Variants in LAIR1 observed in about 807,000 individuals in gnomAD.
LAIR1 encodes the protein leukocyte-associated immunoglobulin-like receptor 1.
Under a neutral mutation model 32.8 loss-of-function variants are expected in LAIR1, and 24 were observed. The ratio of observed to expected loss-of-function variants is 0.73; its 90% CI spans 0.53 to 1.03. LAIR1 has a LOEUF of 1.03. Ranked by LOEUF, LAIR1 falls within the 50% of genes least tolerant of loss-of-function variation. The pLI, the probability that LAIR1 is intolerant of heterozygous loss-of-function variation, is 0.00. For missense variants in LAIR1, 355 were observed against 347.5 expected (o/e 1.02, Z -0.17); for synonymous variants, 150 against 140.5 (o/e 1.07, Z -0.48).
At chr19:54,362,377 G>A (rs73936527) in intron 2 of LAIR1, among the ~76,000 whole-genome samples, 5 of 152,054 alleles carry the variant, frequency 3.3e-5, no homozygotes, top group African/African-American at 9.7e-5. Context: ...GTTTAAAGAC[G>A]TTTTTCATGG....
chr19:54,372,584 G>A (rs547546821), upstream of LAIR1, among the ~76,000 whole-genome samples: 10 of 145,856 alleles, frequency 6.9e-5, no homozygotes, highest in South Asian at 1.6e-3. Flanking sequence ...TCCGCCTCCC[G>A]GGTTCAAGTG....
At chr19:54,373,964 A>T (rs2082461656), upstream of LAIR1, among the ~76,000 whole-genome samples, 1 of 152,210 alleles carries the variant, frequency 6.6e-6, no homozygotes, top group South Asian at 2.1e-4. Context: ...TCTGTCCAGA[A>T]TTGTTGGCTA....
chr19:54,364,978 C>T, upstream of LAIR1: 1 of 1,491,164 alleles, frequency 6.7e-7, no homozygotes, highest in Non-Finnish European at 8.9e-7. This position sits in a 1 kb window ranked among gnomAD's most constrained non-coding sequence, Gnocchi z 4.8. Context: ...TTCCACCCTT[C>T]CCACTAGTGA....
At chr19:54,371,845 CT>C (rs1172876479), upstream of LAIR1, among the ~76,000 whole-genome samples, 1 of 151,598 alleles carries the variant, frequency 6.6e-6, no homozygotes, top group African/African-American at 2.4e-5. Context: ...GAACTTTACA[CT>C]CTTTCTATAG....
At chr19:54,367,570 C>G (rs1332566880), upstream of LAIR1, among the ~76,000 whole-genome samples, 1 of 151,210 alleles carries the variant, frequency 6.6e-6, no homozygotes, top group East Asian at 2.0e-4. Flanking sequence ...CACGGTGAAA[C>G]CCCGTCTCTA....
chr19:54,367,972 C>T (rs1425138618), upstream of LAIR1, among the ~76,000 whole-genome samples: 14 of 151,280 alleles, frequency 9.3e-5, no homozygotes, highest in African/African-American at 3.4e-4. Flanking sequence ...CGGGGTTTCA[C>T]CTTGTTAGCC....
At chr19:54,375,554 A>G (rs984007899), upstream of LAIR1, among the ~76,000 whole-genome samples, 2 of 152,158 alleles carry the variant, frequency 1.3e-5, no homozygotes, top group African/African-American at 4.8e-5. Flanking sequence ...CCCAAACACC[A>G]AATCCAGACG....
upstream of LAIR1, among the ~76,000 whole-genome samples, chr19:54,374,080 G>C (rs1410907420): frequency 6.6e-6 from 1 of 151,614 alleles, no homozygotes; most frequent in Non-Finnish European, 1.5e-5. Context: ...CACTGTAAGG[G>C]TAAGTACAGA....
chr19:54,364,382 G>A lies in LAIR1; in HGVS notation c.35-52C>T, dbSNP rs766724885. The A allele has an allele frequency of 1.2e-6, 2 of 1,613,178 alleles. No individual in the cohort carries two copies. The highest frequency in any genetic ancestry group is 1.7e-4 in the Middle Eastern group (1 of 6,056). ...ATGCCCAGTGCCCAGTCTCCTTACG[G>A]GGCTGCTGTCAAAAGGGGGCTCGAT... is the stretch of plus-strand genomic sequence containing the variant. On this transcript the variant is annotated intron_variant, in intron 1 of 9. Transcript: ENST00000391742. This position sits in a 1 kb window ranked among gnomAD's most constrained non-coding sequence, Gnocchi z 4.8.
intron 4 of LAIR1, chr19:54,357,574 C>G (rs934858338): frequency 6.5e-6 from 1 of 153,568 alleles, no homozygotes; most frequent in African/African-American, 2.4e-5. Context: ...TGTGGGGCAC[C>G]GCCCAGGCTC....
At chr19:54,357,930 A>G (rs1053658202) in intron 4 of LAIR1, 27 of 150,970 alleles carry the variant, frequency 1.8e-4, no homozygotes, top group African/African-American at 5.9e-4. Context: ...TTAAAATTAC[A>G]TATGTATTAT....
chr19:54,372,494 T>TCTTTC (rs11373649), upstream of LAIR1, among the ~76,000 whole-genome samples: 1 of 145,436 alleles, frequency 6.9e-6, no homozygotes, highest in African/African-American at 2.7e-5. Flanking sequence ...TTTCTTTCTT[T>TCTTTC]TTTTTTTTTT....
At chr19:54,366,350 G>A (rs543541468), upstream of LAIR1, among the ~76,000 whole-genome samples, 101 of 152,288 alleles carry the variant, frequency 6.6e-4, no homozygotes, top group African/African-American at 2.4e-3. Flanking sequence ...GCGAAGTCCA[G>A]GCTGACAAGG....
chr19:54,361,979 G>A (rs1433797879), intron 2 of LAIR1, among the ~76,000 whole-genome samples: 1 of 151,536 alleles, frequency 6.6e-6, no homozygotes, highest in Non-Finnish European at 1.5e-5. Flanking sequence ...CAAAATCCCT[G>A]AGCGGGGCAG....
upstream of LAIR1, among the ~76,000 whole-genome samples, chr19:54,371,659 A>ATAGAATGAG (rs1180277732): frequency 2.0e-5 from 3 of 151,604 alleles, no homozygotes; most frequent in Non-Finnish European, 4.4e-5. Context: ...GTCATCAAAT[A>ATAGAATGAG]TAGAATGAGC....
At position 54,356,514 on chromosome 19, in the gene LAIR1, T is replaced by G; in HGVS notation, c.560A>C (p.His187Pro). 1.2e-6 allele frequency: 2 copies of G among 1,613,772 alleles called. No individual in the cohort carries two copies. The highest frequency in any genetic ancestry group is 1.7e-6 in the Non-Finnish European group (2 of 1,179,922). Residue 187 changes from histidine (H) to proline (P), a missense_variant, in exon 6 of 10, where the codon CAT becomes CCT. Physicochemically the swap from His to Pro is moderately conservative, Grantham distance 77 (BLOSUM62 -2). Transcript: ENST00000391742. ...ACCCTGCTTTATCTGATTCTGGCGA[T>G]GGAGGCAGAAGAGGACCAGGAGGAG... is the stretch of plus-strand genomic sequence containing the variant. Reference protein sequence around the residue: ...CLLLLVLFCLHRQNQIKQGPP... With the variant: ...CLLLLVLFCLPRQNQIKQGPP...
At chr19:54,356,204 G>T in intron 8 of LAIR1, 26 bp downstream of exon 8, 1 of 1,604,888 alleles carries the variant, frequency 6.2e-7, no homozygotes, top group Non-Finnish European at 8.5e-7. Flanking sequence ...CCCATCCCAG[G>T]CCTGTCCCTC....
chr19:54,368,024 G>A (rs1336411077), upstream of LAIR1, among the ~76,000 whole-genome samples: 2 of 151,622 alleles, frequency 1.3e-5, no homozygotes, highest in Non-Finnish European at 2.9e-5. Flanking sequence ...CACCCGCCTC[G>A]GCCTCCCAAA....
chr19:54,359,127 C>G (rs2081880192), intron 4 of LAIR1, among the ~76,000 whole-genome samples: 1 of 149,922 alleles, frequency 6.7e-6, no homozygotes, highest in African/African-American at 2.5e-5. Context: ...CTCCCACCTC[C>G]CCATGTGGCT....
Sources: gnomAD v4.1 joint callset for allele counts (sites outside exome capture counted in the v4.1 genomes callset) on GRCh38, gnomAD v4.1.1 for gene constraint, Gnocchi (gnomAD v3.1) non-coding constraint, MANE v1.5 for transcripts, NCBI Gene and HGNC (gene_info 2026-07-23, HGNC 2026-07-21) for gene names.